Variants in DENND1B observed in about 807,000 individuals in gnomAD.
DENND1B encodes the protein DENN domain-containing protein 1B.
A neutral mutation model predicts 90.1 loss-of-function variants in DENND1B; 59 were observed. The ratio of observed to expected loss-of-function variants is 0.65; its 90% CI spans 0.53 to 0.81. DENND1B has a LOEUF of 0.81. Ranked by LOEUF, DENND1B falls within the 40% of genes least tolerant of loss-of-function variation. The pLI, the probability that DENND1B is intolerant of heterozygous loss-of-function variation, is 0.00. For synonymous variants in DENND1B, 337 were observed against 324.6 expected (o/e 1.04, Z -0.41); for missense variants, 862 against 912.6 (o/e 0.94, Z 0.71).
At chr1:197,671,275 A>G (rs183079359) in intron 5 of DENND1B, among the ~76,000 whole-genome samples, 1 of 152,310 alleles carries the variant, frequency 6.6e-6, no homozygotes, top group Admixed American at 6.5e-5. Flanking sequence ...TCATCAGGAC[A>G]TATTGCAAGA....
chr1:197,554,689 A>C (rs1441726032), intron 15 of DENND1B, among the ~76,000 whole-genome samples: 5 of 151,702 alleles, frequency 3.3e-5, no homozygotes, highest in African/African-American at 1.2e-4. Flanking sequence ...AAATACAAAA[A>C]ATATTAGCTG....
intron 5 of DENND1B, among the ~76,000 whole-genome samples, chr1:197,671,732 A>AT (rs11313966): frequency 7.4e-4 from 112 of 151,054 alleles, no homozygotes; most frequent in Non-Finnish European, 8.6e-4. Context: ...AATTTAACTT[A>AT]TTTTTTTTTG....
chr1:197,691,008 G>C (rs530995663), intron 3 of DENND1B, among the ~76,000 whole-genome samples: 2 of 151,970 alleles, frequency 1.3e-5, no homozygotes, highest in Non-Finnish European at 2.9e-5. Flanking sequence ...CATGACATTG[G>C]TCTTCGCAAT....
intron 2 of DENND1B, among the ~76,000 whole-genome samples, chr1:197,723,247 C>A (rs1251467623): frequency 1.3e-5 from 2 of 152,054 alleles, no homozygotes; most frequent in Admixed American, 1.3e-4. Context: ...AAAATGAAAA[C>A]CCTCATCAAT....
chr1:197,726,816 C>T (rs563886817), intron 2 of DENND1B, among the ~76,000 whole-genome samples: 5 of 152,248 alleles, frequency 3.3e-5, no homozygotes, highest in East Asian at 1.9e-4. Flanking sequence ...GTCATCTATA[C>T]CTTCATGTTA....
chr1:197,595,735 G>A (rs1558285575), intron 13 of DENND1B, among the ~76,000 whole-genome samples: 1 of 151,956 alleles, frequency 6.6e-6, no homozygotes, highest in Non-Finnish European at 1.5e-5. Flanking sequence ...GGTCCTCCAG[G>A]ATCACTTACC....
At chr1:197,526,886 A>T (rs1163940673) in intron 20 of DENND1B, among the ~76,000 whole-genome samples, 2 of 152,150 alleles carry the variant, frequency 1.3e-5, no homozygotes, top group African/African-American at 4.8e-5. Flanking sequence ...TTTCTAAAAG[A>T]CACACTATTC....
intron 3 of DENND1B, among the ~76,000 whole-genome samples, chr1:197,688,311 A>G (rs1203507535): frequency 1.3e-5 from 2 of 152,146 alleles, no homozygotes; most frequent in Non-Finnish European, 2.9e-5. Context: ...ATGGAAATAG[A>G]AAAAACAAAC....
chr1:197,599,064 C>T (rs1675964970), intron 13 of DENND1B, among the ~76,000 whole-genome samples: 1 of 151,740 alleles, frequency 6.6e-6, no homozygotes, highest in South Asian at 2.1e-4. Context: ...AATATTACCA[C>T]CAATTCCCCA....
chr1:197,739,747 G>C (rs74541273), intron 2 of DENND1B, among the ~76,000 whole-genome samples: 16 of 152,002 alleles, frequency 1.1e-4, no homozygotes, highest in Non-Finnish European at 1.9e-4. Context: ...TCAAAACTCA[G>C]TAATAAGAAA....
At chr1:197,547,375 G>C (rs1670892635) in intron 16 of DENND1B, among the ~76,000 whole-genome samples, 1 of 151,736 alleles carries the variant, frequency 6.6e-6, no homozygotes, top group African/African-American at 2.4e-5. Context: ...TTTAAAAGAT[G>C]TATCACCTTG....
intron 4 of DENND1B, among the ~76,000 whole-genome samples, chr1:197,673,318 G>T (rs1025646517): frequency 5.3e-5 from 8 of 151,918 alleles, no homozygotes; most frequent in African/African-American, 1.9e-4. Flanking sequence ...GGTAAAACAA[G>T]GAGTATCATT....
chr1:197,674,058 A>C (rs1410669223), intron 4 of DENND1B, 62 bp downstream of exon 4: 23 of 1,139,412 alleles, frequency 2.0e-5, no homozygotes, highest in Middle Eastern at 4.0e-4. Context: ...AAGCACATGT[A>C]ATCATTTTCA....
intron 10 of DENND1B, among the ~76,000 whole-genome samples, chr1:197,635,522 G>C (rs534073608): frequency 1.3e-5 from 2 of 151,738 alleles, no homozygotes; most frequent in Non-Finnish European, 2.9e-5. Context: ...ATTTTTTGTA[G>C]AGACAGGGTC....
intron 13 of DENND1B, among the ~76,000 whole-genome samples, chr1:197,596,873 T>C (rs975212314): frequency 3.3e-5 from 5 of 151,894 alleles, no homozygotes; most frequent in African/African-American, 7.2e-5. Context: ...AACTTCACAA[T>C]AGTGACATTT....
intron 2 of DENND1B, chr1:197,735,094 T>C (rs913210247): frequency 1.0e-6 from 1 of 970,726 alleles, no homozygotes. Flanking sequence ...AACAATAATA[T>C]GCAATTTTAA....
In DENND1B at chr1:197,693,910, A is replaced by G. The variant is rs76918546; in HGVS notation, c.127-19741T>C. Among the ~76,000 whole-genome samples, 881 of 151,626 alleles carry G rather than the reference A, an allele frequency of 5.8e-3. 9 individuals are homozygous for G. Among genetic ancestry groups the G allele is most frequent in the African/African-American group, 0.02 (814 of 41,498 alleles). Reference sequence around the variant, plus strand: ...AACAAGATAACAAAAGATCGGGTGGAGAAGAGGCTAGCTGGTAACATATGT... The same window carrying G: ...AACAAGATAACAAAAGATCGGGTGGGGAAGAGGCTAGCTGGTAACATATGT... On this transcript the variant is annotated intron_variant, in intron 3 of 22. Coordinates refer to ENST00000620048, the MANE Select transcript of DENND1B (RefSeq NM_001195215.2).
At chr1:197,746,821 T>C in intron 2 of DENND1B, 5 of 1,610,838 alleles carry the variant, frequency 3.1e-6, no homozygotes, top group Non-Finnish European at 4.2e-6. Flanking sequence ...GTTTCTTCTT[T>C]TTGGGGGCAG....
intron 13 of DENND1B, among the ~76,000 whole-genome samples, chr1:197,595,977 A>G (rs1454315642): frequency 6.6e-6 from 1 of 152,066 alleles, no homozygotes; most frequent in Non-Finnish European, 1.5e-5. Flanking sequence ...ATAGAGGAAC[A>G]AAGATGTGAA....
Sources: allele counts gnomAD v4.1 joint callset (sites outside exome capture counted in the v4.1 genomes callset), GRCh38; gene constraint gnomAD v4.1.1; transcripts MANE v1.5; gene names NCBI Gene and HGNC (gene_info 2026-07-23, HGNC 2026-07-21).